Variants in CCDC149 observed in about 807,000 individuals in gnomAD.
The protein encoded by CCDC149 is coiled-coil domain-containing protein 149.
Under a neutral mutation model 59.9 loss-of-function variants are expected in CCDC149, and 45 were observed. The ratio of observed to expected loss-of-function variants is 0.75; its 90% CI spans 0.59 to 0.96. The LOEUF (loss-of-function observed/expected upper bound fraction) is 0.96. Among genes scored for constraint, CCDC149 ranks in the 40% least tolerant of loss-of-function variants. CCDC149 has a pLI of 0.00. For synonymous variants in CCDC149, 245 were observed against 260.6 expected, an observed-to-expected ratio of 0.94 and a Z score of 0.58; for missense variants, 584 against 664.7, an observed-to-expected ratio of 0.88 and a Z score of 1.33.
intron 1 of CCDC149, 124 bp from the exon 2 acceptor site, chr4:24,876,821 G>A (rs555396477): frequency 8.1e-5 from 73 of 905,448 alleles, no homozygotes; most frequent in Middle Eastern, 3.5e-4. Flanking sequence ...CTCATGTGCC[G>A]AGAGAGACAT....
At chr4:24,863,733 C>A (rs1718518293) in intron 3 of CCDC149, among the ~76,000 whole-genome samples, 1 of 152,224 alleles carries the variant, frequency 6.6e-6, no homozygotes. Context: ...ATAGGTTATG[C>A]CCCTTCCTTA....
At chr4:24,880,904 G>A (rs1276979574) in intron 1 of CCDC149, among the ~76,000 whole-genome samples, 3 of 152,160 alleles carry the variant, frequency 2.0e-5, no homozygotes, top group African/African-American at 7.2e-5. Flanking sequence ...GGGGTTCCCA[G>A]GGCACTCACC....
intron 4 of CCDC149, among the ~76,000 whole-genome samples, chr4:24,849,217 A>C (rs1269299195): frequency 6.6e-6 from 1 of 152,124 alleles, no homozygotes; most frequent in Non-Finnish European, 1.5e-5. Context: ...GTCTTTCCTC[A>C]TTCCTTATAG....
At position 24,860,540 on chromosome 4, in the gene CCDC149, A is replaced by G. The variant is rs544154203; in HGVS notation, c.265-7361T>C. 7.2e-5 allele frequency among the ~76,000 whole-genome samples: 11 copies of G among 152,340 alleles called. No homozygotes were observed. In the South Asian group the frequency reaches 2.3e-3, roughly 32 times the overall value. On this transcript the variant is annotated intron_variant, in intron 3 of 12. Coordinates refer to ENST00000635206, the MANE Select transcript of CCDC149 (RefSeq NM_001330643.2). ...CTTCTAGACATTGGCTTAGGCAAATACATCATGACCAGGAATACAAAAGCA... is the reference window on the plus strand; with the variant it reads ...CTTCTAGACATTGGCTTAGGCAAATGCATCATGACCAGGAATACAAAAGCA...
At chr4:24,843,654 C>T (rs954787322) in intron 4 of CCDC149, among the ~76,000 whole-genome samples, 2 of 152,172 alleles carry the variant, frequency 1.3e-5, no homozygotes, top group Admixed American at 1.3e-4. Flanking sequence ...TTTCATCCTC[C>T]TACCCTGGAG....
intron 4 of CCDC149, among the ~76,000 whole-genome samples, chr4:24,844,013 G>C (rs1406023477): frequency 6.6e-6 from 1 of 152,048 alleles, no homozygotes; most frequent in Non-Finnish European, 1.5e-5. Flanking sequence ...GGTCTGTCCA[G>C]AACCCGCTTC....
At chr4:24,968,959 A>G (rs1046000030) in intron 1 of CCDC149, among the ~76,000 whole-genome samples, 1 of 152,230 alleles carries the variant, frequency 6.6e-6, no homozygotes, top group African/African-American at 2.4e-5. Context: ...TTTGGCCACC[A>G]CTGGCAATGA....
rs182485066 is a variant in CCDC149, at chr4:24,821,033, G to A, written c.1075+22C>T. The A allele has an allele frequency of 2.3e-5, 28 of 1,223,672 alleles. No individual in the cohort carries two copies. The Admixed American group carries it at 5.1e-4, about 22-fold the overall frequency. 75.8% of individuals were successfully genotyped at this position (1,223,672 alleles called of 1,614,324 possible). ...CACTGCTGATATTAGCCACAAAAAC[G>A]GATATTTTAAACAGAACATACTCCC... On this transcript the variant is annotated intron_variant, in intron 11 of 12. Transcript: ENST00000635206.
chr4:24,867,648 T>G (rs762684901), intron 3 of CCDC149, among the ~76,000 whole-genome samples: 1 of 152,228 alleles, frequency 6.6e-6, no homozygotes, highest in South Asian at 2.1e-4. Context: ...TGAAATTGAA[T>G]GCAAATTTTT....
In CCDC149 at chr4:24,817,644, C is replaced by A. The variant is rs73804436; in HGVS notation, c.1192+2215G>T. Among the ~76,000 whole-genome samples, 625 of 150,044 alleles carry A rather than the reference C, an allele frequency of 4.2e-3. 3 individuals are homozygous for A. The highest frequency in any genetic ancestry group is 0.015 in the African/African-American group (600 of 41,030). On this transcript the variant is annotated intron_variant, in intron 12 of 12. Transcript: ENST00000635206. Reference sequence around the variant, plus strand: ...TTCACGAGTCTTTGGGTCAGATGGGCGGTTCCGGTTCTGCTAATCTAAGCT... The same window carrying A: ...TTCACGAGTCTTTGGGTCAGATGGGAGGTTCCGGTTCTGCTAATCTAAGCT...
intron 12 of CCDC149, among the ~76,000 whole-genome samples, chr4:24,811,890 A>AT (rs939958773): frequency 5.5e-5 from 7 of 126,304 alleles, no homozygotes; most frequent in African/African-American, 2.0e-4. Flanking sequence ...AAAAAAAAAA[A>AT]TTTCACTGGG....
Position 24,822,136 on chromosome 4 carries a change from T to C in CCDC149, c.1042+361A>G, listed in dbSNP as rs376800681. On this transcript the variant is annotated intron_variant, in intron 10 of 12. Transcript: ENST00000635206. ...AGGGCTGATAATGAAATTGAACAAA[T>C]TGAATGGATCTTTATAGGATATCTA... Among the ~76,000 whole-genome samples the C allele has an allele frequency of 2.3e-4, 35 of 152,266 alleles. 1 individual carries two copies. In the South Asian group the frequency reaches 6.8e-3, roughly 30 times the overall value.
intron 8 of CCDC149, among the ~76,000 whole-genome samples, chr4:24,833,076 T>C (rs1716261751): frequency 6.6e-6 from 1 of 152,154 alleles, no homozygotes; most frequent in African/African-American, 2.4e-5. Context: ...GAGTGGCTGT[T>C]CTTCAAGTCT....
chr4:24,936,783 G>T (rs532695256), intron 1 of CCDC149, among the ~76,000 whole-genome samples: 1 of 152,314 alleles, frequency 6.6e-6, no homozygotes, highest in African/African-American at 2.4e-5. Flanking sequence ...GAGTGGGAAA[G>T]GTTGGCAGCT....
chr4:24,962,307 A>G (rs1723656818), intron 1 of CCDC149, among the ~76,000 whole-genome samples: 1 of 152,096 alleles, frequency 6.6e-6, no homozygotes, highest in Non-Finnish European at 1.5e-5. Flanking sequence ...AACGTCAGGA[A>G]ACAACAGGTG....
In CCDC149 at chr4:24,831,470, G is replaced by A. The variant is rs760262452; in HGVS notation, c.965+36C>T. 1.4e-5 allele frequency: 23 copies of A among 1,608,286 alleles called. No homozygotes were observed. In the South Asian group the frequency reaches 1.4e-4, roughly 10 times the overall value. On this transcript the variant is annotated intron_variant, in intron 9 of 12. Transcript: ENST00000635206. ...CTGGTAGCCTCGTCCCACTTCCTTCGCGCCCACCCCCCAACACAAGAGTTT... is the reference window on the plus strand; with the variant it reads ...CTGGTAGCCTCGTCCCACTTCCTTCACGCCCACCCCCCAACACAAGAGTTT...
rs927654810 is a variant in CCDC149, at chr4:24,808,647, G to A, written c.1365C>T (p.Asn455=). Reference sequence around the variant, plus strand: ...GTTTAATTATTTCCCTCCCAAGGCTGTTTACTTCTTCCTCAGAAGGTAACT... The same window carrying A: ...GTTTAATTATTTCCCTCCCAAGGCTATTTACTTCTTCCTCAGAAGGTAACT... Residue 455 remains asparagine (N), a synonymous_variant, in exon 13 of 13, where the codon AAC becomes AAT. Transcript: ENST00000635206. The A allele has an allele frequency of 2.6e-5, 41 of 1,552,254 alleles. No individual in the cohort carries two copies. The Admixed American group carries it at 7.1e-4, about 27-fold the overall frequency.
intron 1 of CCDC149, among the ~76,000 whole-genome samples, chr4:24,939,171 G>T (rs924340193): frequency 6.7e-6 from 1 of 149,122 alleles, no homozygotes; most frequent in Non-Finnish European, 1.5e-5. Context: ...CACCTCACAC[G>T]GCTGGGTACT....
intron 1 of CCDC149, among the ~76,000 whole-genome samples, chr4:24,947,061 A>ATCTT (rs1204273633): frequency 6.6e-6 from 1 of 152,128 alleles, no homozygotes; most frequent in African/African-American, 2.4e-5. Flanking sequence ...TATTTTTGCA[A>ATCTT]TCTTTGGATA....
Sources: allele counts gnomAD v4.1 joint callset (sites outside exome capture counted in the v4.1 genomes callset), GRCh38; gene constraint gnomAD v4.1.1; transcripts MANE v1.5; gene names NCBI Gene and HGNC (gene_info 2026-07-23, HGNC 2026-07-21).